The following TBXAS1 variants were observed in gnomAD, a reference collection of about 807,000 sequenced individuals.
The protein encoded by TBXAS1 is thromboxane-A synthase.
A neutral mutation model predicts 60.7 loss-of-function variants in TBXAS1; 48 were observed. The ratio of observed to expected loss-of-function variants is 0.79; its 90% CI spans 0.63 to 1.01. TBXAS1 has a LOEUF of 1.01. TBXAS1 is among the 50% of genes least tolerant of loss of function. TBXAS1 has a pLI of 0.00. For synonymous variants in TBXAS1, 287 were observed against 269.7 expected (o/e 1.06, Z -0.63); for missense variants, 685 against 686.3 (o/e 1.00, Z 0.02).
upstream of TBXAS1, among the ~76,000 whole-genome samples, chr7:139,825,333 T>A (rs2006696662): frequency 6.6e-6 from 1 of 152,158 alleles, no homozygotes; most frequent in Admixed American, 6.5e-5. Context: ...CTCTCATTTC[T>A]TCCCTTCCAC....
At chr7:139,985,219 G>A (rs1812356868) in intron 9 of TBXAS1, among the ~76,000 whole-genome samples, 1 of 152,212 alleles carries the variant, frequency 6.6e-6, no homozygotes, top group South Asian at 2.1e-4. Context: ...AAGCACAGTG[G>A]CCCTTTACAA....
intron 2 of TBXAS1, among the ~76,000 whole-genome samples, chr7:139,873,738 T>C (rs1802000916): frequency 6.6e-6 from 1 of 152,174 alleles, no homozygotes; most frequent in Admixed American, 6.5e-5. Flanking sequence ...GTCAGGACTT[T>C]ATGGTCTACG....
At chr7:139,819,735 TC>T (rs1798246633) in intron 4 of TBXAS1, among the ~76,000 whole-genome samples, 1 of 152,070 alleles carries the variant, frequency 6.6e-6, no homozygotes, top group Non-Finnish European at 1.5e-5. Flanking sequence ...ACTCCTGACC[TC>T]AAGTGATCCA....
chr7:139,802,071 T>C (rs1182972293), intron 4 of TBXAS1, among the ~76,000 whole-genome samples: 2 of 152,184 alleles, frequency 1.3e-5, no homozygotes, highest in African/African-American at 4.8e-5. Context: ...GTCACATTAT[T>C]TTCTTAACTG....
rs1796877089 is a variant in TBXAS1, at chr7:139,778,812, T to C, written c.-318+341T>C. Among the ~76,000 whole-genome samples the C allele has an allele frequency of 6.6e-6, 1 of 152,114 alleles. No homozygotes were observed. Among genetic ancestry groups the C allele is most frequent in the Non-Finnish European group, 1.5e-5 (1 of 68,010 alleles). Reference sequence around the variant, plus strand: ...TCCAGACTCTCCCCAGCCGGGAGCCTCTCCAGGTTTGCTTCTCCAGCTGCC... The same window carrying C: ...TCCAGACTCTCCCCAGCCGGGAGCCCCTCCAGGTTTGCTTCTCCAGCTGCC... On this transcript the variant is annotated intron_variant, in intron 1 of 16. Transcript: ENST00000336425. This position sits in a 1 kb window ranked among gnomAD's most constrained non-coding sequence, Gnocchi z 4.8.
intron 9 of TBXAS1, among the ~76,000 whole-genome samples, chr7:139,990,160 C>T (rs560938930): frequency 6.6e-6 from 1 of 152,338 alleles, no homozygotes; most frequent in African/African-American, 2.4e-5. Context: ...CCAGGCCAGG[C>T]CTCCCCTCCC....
intron 1 of TBXAS1, among the ~76,000 whole-genome samples, chr7:139,840,746 G>T (rs183749030): frequency 8.1e-4 from 123 of 152,276 alleles, no homozygotes; most frequent in African/African-American, 2.8e-3. Flanking sequence ...GGAGTCTAGC[G>T]AACAGAAGCA....
At chr7:140,018,562 C>A (rs71543352) in intron 12 of TBXAS1, among the ~76,000 whole-genome samples, 19 of 152,156 alleles carry the variant, frequency 1.2e-4, no homozygotes, top group Admixed American at 5.2e-4. Context: ...CTATCTCCCC[C>A]CCACATCACA....
chr7:139,859,168 C>T (rs1412084030), intron 1 of TBXAS1, among the ~76,000 whole-genome samples: 1 of 151,846 alleles, frequency 6.6e-6, no homozygotes, highest in Non-Finnish European at 1.5e-5. Context: ...AGCCACCGTG[C>T]CCGGCCCAAA....
intron 4 of TBXAS1, among the ~76,000 whole-genome samples, chr7:139,801,474 T>C (rs1797722195): frequency 6.6e-6 from 1 of 151,928 alleles, no homozygotes; most frequent in African/African-American, 2.4e-5. Context: ...TTTGTCCTTT[T>C]TTTTTCTTTT....
At chr7:139,839,418 G>C (rs921051280) in intron 1 of TBXAS1, among the ~76,000 whole-genome samples, 1 of 152,138 alleles carries the variant, frequency 6.6e-6, no homozygotes, top group African/African-American at 2.4e-5. Flanking sequence ...GGCTGATGAA[G>C]CGGCAAGGAA....
intron 8 of TBXAS1, among the ~76,000 whole-genome samples, chr7:139,961,138 T>C (rs2117373494): frequency 6.6e-6 from 1 of 152,288 alleles, no homozygotes; most frequent in East Asian, 1.9e-4. Context: ...GGCAGGGGAT[T>C]ACTGAGAAAT....
chr7:139,835,982 G>A (rs958185265), intron 1 of TBXAS1, among the ~76,000 whole-genome samples: 9 of 151,512 alleles, frequency 5.9e-5, no homozygotes, highest in African/African-American at 2.2e-4. Flanking sequence ...TACACCAACA[G>A]TGACCAAGCA....
intron 3 of TBXAS1, among the ~76,000 whole-genome samples, chr7:139,889,537 G>C (rs1803392428): frequency 6.6e-6 from 1 of 152,172 alleles, no homozygotes; most frequent in South Asian, 2.1e-4. Flanking sequence ...TGTTCAAGCT[G>C]TTATAACAAA....
chr7:139,934,810 A>G (rs1246897657), intron 4 of TBXAS1, among the ~76,000 whole-genome samples: 1 of 151,898 alleles, frequency 6.6e-6, no homozygotes, highest in African/African-American at 2.4e-5. Flanking sequence ...ACCTTATTTT[A>G]CCTTAATTAC....
chr7:139,847,816 GTTGT>G (rs376353146), intron 1 of TBXAS1, among the ~76,000 whole-genome samples: 1 of 152,064 alleles, frequency 6.6e-6, no homozygotes, highest in Non-Finnish European at 1.5e-5. Context: ...TGCAATATTT[GTTGT>G]TTGTTTGTTT....
chr7:139,878,596 A>T lies in TBXAS1; in HGVS notation c.236+2959A>T, dbSNP rs1802445126. Among the ~76,000 whole-genome samples, 4 of 152,212 alleles carry T rather than the reference A, an allele frequency of 2.6e-5. No individual in the cohort carries two copies. The South Asian group carries it at 8.3e-4, about 32-fold the overall frequency. On this transcript the variant is annotated intron_variant, in intron 3 of 12. Transcript: ENST00000448866. ...TTAGAGGCAATATGGTGGCGGTGTA[A>T]AAATGAAAGGGTTGAACCAATCTAA...
chr7:139,942,992 G>A (rs1808409881), intron 5 of TBXAS1, among the ~76,000 whole-genome samples: 1 of 152,120 alleles, frequency 6.6e-6, no homozygotes, highest in Non-Finnish European at 1.5e-5. Context: ...CAGTGCAAAA[G>A]TCTTTTCAGA....
chr7:139,991,720 C>T (rs1442795567), intron 9 of TBXAS1, among the ~76,000 whole-genome samples: 1 of 152,158 alleles, frequency 6.6e-6, no homozygotes, highest in Non-Finnish European at 1.5e-5. Flanking sequence ...CCTCATAGGG[C>T]CATAATCACC....
Sources: gnomAD v4.1 joint callset for allele counts (sites outside exome capture counted in the v4.1 genomes callset) on GRCh38, gnomAD v4.1.1 for gene constraint, Gnocchi (gnomAD v3.1) non-coding constraint, MANE v1.5 for transcripts, NCBI Gene and HGNC (gene_info 2026-07-23, HGNC 2026-07-21) for gene names.